The following CYP17A1 variants were observed in gnomAD, a reference collection of about 807,000 sequenced individuals.
The protein encoded by CYP17A1 is steroid 17-alpha-hydroxylase/17,20 lyase.
In CYP17A1, 27 loss-of-function variants were observed where a neutral mutation model predicts 38.5. That is an observed-to-expected ratio of 0.70 (90% CI 0.52 to 0.97). The LOEUF (loss-of-function observed/expected upper bound fraction) is 0.97. CYP17A1 is among the 50% of genes least tolerant of loss of function. The pLI is 0.00. For synonymous variants in CYP17A1, 263 were observed against 253.3 expected (o/e 1.04, Z -0.36); for missense variants, 549 against 645.9 (o/e 0.85, Z 1.63).
chr10:102,834,247 T>A, intron 3 of CYP17A1, 125 bp from the exon 4 acceptor site: 5 of 700,464 alleles, frequency 7.1e-6, no homozygotes, highest in Non-Finnish European at 1.3e-5. Flanking sequence ...CCCCTGACCT[T>A]CAGCCAGAAT....
intron 4 of CYP17A1, 58 bp from the exon 5 acceptor site, chr10:102,833,266 C>T: frequency 6.2e-7 from 1 of 1,612,882 alleles, no homozygotes; most frequent in Non-Finnish European, 8.5e-7. Context: ...TGTGACACTC[C>T]TGCCATACTT....
chr10:102,830,983 G>A lies in CYP17A1; in HGVS notation c.1246C>T (p.Arg416Cys), dbSNP rs1178684770. Residue 416 changes from arginine to cysteine, a missense_variant and splice_region_variant, in exon 8 of 8, where the codon CGT becomes TGT. Transcript: ENST00000369887. The surrounding 1 kb of genome is among the most constrained non-coding windows in gnomAD (Gnocchi z 4.1). Reference protein sequence around the residue: ...WHQPDQFMPERFLNPAGTQLI... With the variant: ...WHQPDQFMPECFLNPAGTQLI... ...TGGGTCCCCGCTGGATTCAAGAAAC[G>A]CTCTGCAGGCAAGGAGTGGCATCAG... is the stretch of plus-strand genomic sequence containing the variant. The A allele has an allele frequency of 1.9e-6, 3 of 1,567,436 alleles. No homozygotes were observed. The highest frequency in any genetic ancestry group is 8.7e-7 in the Non-Finnish European group (1 of 1,152,500).
chr10:102,832,517 T>C lies in CYP17A1; in HGVS notation c.1133A>G (p.Asp378Gly). ...PMLIPHKANV[D>G]SSIGEFAVDK... ...ACTGGGAGGGCAGGCACACCTGGAG[T>C]CAACGTTGGCCTTGTGGGGGATGAG... The change falls in exon 6 of 8, where the codon GAC becomes GGC. Residue 378 changes from aspartate to glycine, a missense_variant. Asp to Gly is a moderately conservative substitution (Grantham distance 94, BLOSUM62 -1). This residue lies in a region of CYP17A1 where 257 missense variants were observed against 307.9 expected (regional missense o/e 0.83). Coordinates refer to ENST00000369887, the MANE Select transcript of CYP17A1 (RefSeq NM_000102.4). 6.2e-7 allele frequency: 1 copy of C among 1,603,956 alleles called. No individual in the cohort carries two copies. Among genetic ancestry groups the C allele is most frequent in the Non-Finnish European group, 8.5e-7 (1 of 1,171,134 alleles).
chr10:102,836,938 C>A, intron 1 of CYP17A1, 127 bp downstream of exon 1: 1 of 763,746 alleles, frequency 1.3e-6, no homozygotes, highest in Non-Finnish European at 2.4e-6. Context: ...TCACATCATC[C>A]CACTAGTCTA....
intron 1 of CYP17A1, chr10:102,836,839 A>C (rs1844168391): frequency 1.7e-6 from 1 of 581,182 alleles, no homozygotes; most frequent in Non-Finnish European, 3.1e-6. Flanking sequence ...CTCCCATCCC[A>C]CCTCCTGGGC....
chr10:102,834,457 G>A (rs1844133284), intron 3 of CYP17A1: 1 of 552,810 alleles, frequency 1.8e-6, no homozygotes, highest in East Asian at 3.2e-5. Flanking sequence ...CGCTAAGCCT[G>A]CTTCTCACCT....
chr10:102,836,139 A>T (rs1467217451), intron 1 of CYP17A1, among the ~76,000 whole-genome samples: 1 of 152,132 alleles, frequency 6.6e-6, no homozygotes, highest in Non-Finnish European at 1.5e-5. Flanking sequence ...TCCAAGAAAA[A>T]ATAAACCAAC....
In CYP17A1 at chr10:102,834,047, C is replaced by T. The variant is rs768454603; in HGVS notation, c.742G>A (p.Glu248Lys). The change falls in exon 4 of 8, where the codon GAA (glutamate) becomes AAA (lysine). Residue 248 changes from glutamate to lysine, a missense_variant. Physicochemically the swap from Glu to Lys is moderately conservative, Grantham distance 56. Coordinates refer to ENST00000369887, the MANE Select transcript of CYP17A1 (RefSeq NM_000102.4). The stretch of plus-strand genomic sequence containing the variant: ...GCTCTATCACCTACCTTGTAATTTT[C>T]AAGTATTTTATTCAGCAGATCATTT... ...IRNDLLNKILENYKEKFRSDS... is the reference protein window; with the variant it reads ...IRNDLLNKILKNYKEKFRSDS... 6.0e-6 allele frequency: 7 copies of T among 1,172,874 alleles called. No homozygotes were observed. The Admixed American group carries it at 1.2e-4, about 20-fold the overall frequency. 72.7% of individuals were successfully genotyped at this position (1,172,874 alleles called of 1,614,324 possible).
At chr10:102,833,395 A>T in intron 4 of CYP17A1, 187 bp from the exon 5 acceptor site, 1 of 1,097,470 alleles carries the variant, frequency 9.1e-7, no homozygotes, top group Non-Finnish European at 1.3e-6. Context: ...TTTGGTGGAG[A>T]GGTTAGGTCT....
intron 3 of CYP17A1, chr10:102,834,363 C>T (rs1190232684): frequency 1.7e-6 from 1 of 572,576 alleles, no homozygotes; most frequent in Non-Finnish European, 3.2e-6. Flanking sequence ...TTCAATCAAA[C>T]ATCAAGCGCT....
rs1844103548 is a variant in CYP17A1 at position 102,832,508 on chromosome 10, C to T, written c.1139+3G>A. On this transcript the variant is annotated splice_donor_region_variant and intron_variant, in intron 6 of 7. Coordinates refer to ENST00000369887, the MANE Select transcript of CYP17A1 (RefSeq NM_000102.4). ...CTAGATGTCACTGGGAGGGCAGGCA[C>T]ACCTGGAGTCAACGTTGGCCTTGTG... The T allele has an allele frequency of 6.3e-7, 1 of 1,594,226 alleles. No homozygotes were observed. Among genetic ancestry groups the T allele is most frequent in the Non-Finnish European group, 8.6e-7 (1 of 1,161,986 alleles).
rs372407132 is a variant in CYP17A1, at chr10:102,831,619, A to G, written c.1140-8T>C. On this transcript the variant is annotated splice_polypyrimidine_tract_variant and splice_region_variant and intron_variant, in intron 6 of 7. Coordinates refer to ENST00000369887, the MANE Select transcript of CYP17A1 (RefSeq NM_000102.4). The stretch of plus-strand genomic sequence containing the variant: ...ACAGCAAACTCACCGATGCTGCTCC[A>G]GAGTGGAAGAGGAAAAGTGGGTCTG... The G allele has an allele frequency of 1.9e-6, 3 of 1,613,332 alleles. No homozygotes were observed. Among genetic ancestry groups the G allele is most frequent in the Non-Finnish European group, 2.5e-6 (3 of 1,179,992 alleles).
chr10:102,831,580 C>T lies in CYP17A1; in HGVS notation c.1171G>A (p.Glu391Lys). Residue 391 changes from glutamate (E) to lysine (K), a missense_variant, in exon 7 of 8, where the codon GAA (glutamate) becomes AAA (lysine). Transcript: ENST00000369887. The stretch of plus-strand genomic sequence containing the variant: ...AGCGCCCACAGATTGATGATAACTT[C>T]TGTGCCCTTGTCCACAGCAAACTCA... Reference protein sequence around the residue: ...IGEFAVDKGTEVIINLWALHH... With the variant: ...IGEFAVDKGTKVIINLWALHH... 6.2e-7 allele frequency: 1 copy of T among 1,613,992 alleles called. No individual in the cohort carries two copies. The highest frequency in any genetic ancestry group is 8.5e-7 in the Non-Finnish European group (1 of 1,180,044).
intron 1 of CYP17A1, chr10:102,835,614 A>C: frequency 1.7e-6 from 1 of 589,382 alleles, no homozygotes; most frequent in Non-Finnish European, 3.1e-6. Flanking sequence ...ACAGTAGATC[A>C]AGGAGAAAGA....
In CYP17A1 at chr10:102,837,259, G is replaced by A; in HGVS notation, c.103C>T (p.Pro35Ser). 6.2e-7 allele frequency: 1 copy of A among 1,603,144 alleles called. No homozygotes were observed. The highest frequency in any genetic ancestry group is 8.5e-7 in the Non-Finnish European group (1 of 1,169,940). Reference sequence around the variant, plus strand: ...AGGAATGGCAGGCTGCCCACCAGGGGCAGGGACAGGAGGCTCTTGGGGTAC... The same window carrying A: ...AGGAATGGCAGGCTGCCCACCAGGGACAGGGACAGGAGGCTCTTGGGGTAC... The part of the protein sequence containing the change: ...AKYPKSLLSL[P>S]LVGSLPFLPR... Residue 35 changes from proline (P) to serine (S), a missense_variant, in exon 1 of 8, where the codon CCC (proline) becomes TCC (serine). Pro to Ser is a moderately conservative substitution (Grantham distance 74). This residue lies in a region of CYP17A1 where 289 missense variants were observed against 320.9 expected (regional missense o/e 0.90). Coordinates refer to ENST00000369887, the MANE Select transcript of CYP17A1 (RefSeq NM_000102.4).
At chr10:102,837,000 G>T in intron 1 of CYP17A1, 65 bp downstream of exon 1, 1 of 922,368 alleles carries the variant, frequency 1.1e-6, no homozygotes, top group South Asian at 1.3e-5. Context: ...TCTAGGCATG[G>T]TCTGAAGACC....
Position 102,837,279 on chromosome 10 carries a change from G to A in CYP17A1, c.83C>T (p.Pro28Leu), listed in dbSNP as rs1844176966. The A allele has an allele frequency of 1.2e-6, 2 of 1,605,706 alleles. No homozygotes were observed. Among genetic ancestry groups the A allele is most frequent in the East Asian group, 2.2e-5 (1 of 44,816 alleles). The part of the protein sequence containing the change: ...PKRRCPGAKY[P>L]KSLLSLPLVG... ...CAGGGGCAGGGACAGGAGGCTCTTG[G>A]GGTACTTGGCACCAGGGCACCTTCT... Residue 28 changes from proline to leucine, a missense_variant, in exon 1 of 8, where the codon CCC becomes CTC. Pro to Leu is a moderately conservative substitution (Grantham distance 98, BLOSUM62 -3). This residue lies in a region of CYP17A1 where 289 missense variants were observed against 320.9 expected (regional missense o/e 0.90). Transcript: ENST00000369887.
rs1197761331 is a variant in CYP17A1, at chr10:102,837,337, G to A, written c.25C>T (p.Leu9=). MWELVALL[L]LTLAYLFWPK... is the part of the protein sequence containing the mutation. ...CAAAACAAATAAGCTAGGGTAAGCA[G>A]CAAGAGAGCCACGAGCTCCCACATG... The change falls in exon 1 of 8, where the codon CTG becomes TTG. Residue 9 remains leucine, a synonymous_variant. Transcript: ENST00000369887. 2 of 1,612,356 alleles carry A rather than the reference G, an allele frequency of 1.2e-6. No homozygotes were observed. Among genetic ancestry groups the A allele is most frequent in the Admixed American group, 3.3e-5 (2 of 60,012 alleles).
intron 6 of CYP17A1, 61 bp from the exon 7 acceptor site, chr10:102,831,672 C>T: frequency 6.2e-7 from 1 of 1,600,964 alleles, no homozygotes; most frequent in Non-Finnish European, 8.5e-7. Flanking sequence ...CCTTGCTCAG[C>T]CTCATGCCCC....
Sources: allele counts gnomAD v4.1 joint callset (sites outside exome capture counted in the v4.1 genomes callset), GRCh38; gene constraint gnomAD v4.1.1; regional missense constraint gnomAD v4.1.1; non-coding constraint Gnocchi (gnomAD v3.1); transcripts MANE v1.5; gene names NCBI Gene and HGNC (gene_info 2026-07-23, HGNC 2026-07-21).